ANK3: variants seen among roughly 807,000 people sequenced by gnomAD.
ANK3 encodes the protein ankyrin 3, also known as ankyrin-3.
ANK3 carries 57 observed loss-of-function variants against 370.9 expected under a neutral mutation model. That is an observed-to-expected ratio of 0.15 (90% CI 0.12 to 0.19). The LOEUF (loss-of-function observed/expected upper bound fraction) is 0.19, where lower values mean the gene tolerates loss of function less well. Ranked by LOEUF, ANK3 falls within the 10% of genes least tolerant of loss-of-function variation. ANK3 has a pLI of 1.00. For missense variants in ANK3, 4,439 were observed against 5,302.1 expected (o/e 0.84, Z 5.06); for synonymous variants, 1,929 against 1,946.3 (o/e 0.99, Z 0.23).
rs57607997 is a variant in ANK3, at chr10:60,518,547, C to CTA, written c.96+96637_96+96638dup. ...CAGAATCTCTAAGAGCCCTGAGAAT[C>CTA]TATACCCCAAATGAACCTTAGGATC... On this transcript the variant is annotated intron_variant, in intron 2 of 43. Coordinates refer to the ANK3 transcript ENST00000373827. 2.7e-3 allele frequency among the ~76,000 whole-genome samples: 408 copies of CTA among 152,198 alleles called. 4 individuals carry two copies. The highest frequency in any genetic ancestry group is 9.6e-3 in the African/African-American group (397 of 41,542).
chr10:60,599,777 G>C (rs1279010939), intron 2 of ANK3, among the ~76,000 whole-genome samples: 1 of 152,060 alleles, frequency 6.6e-6, no homozygotes, highest in Non-Finnish European at 1.5e-5. Flanking sequence ...CCTCTCCTCT[G>C]ATTAAAGCCA....
chr10:60,631,267 G>A lies in ANK3; in HGVS notation c.58-16043C>T, dbSNP rs554612399. Among the ~76,000 whole-genome samples, 6 of 152,110 alleles carry A rather than the reference G, an allele frequency of 3.9e-5. No homozygotes were observed. The South Asian group carries it at 6.2e-4, about 16-fold the overall frequency. ...ATACTGGCCGGGCATGGTGGCTCAC[G>A]CCTGTAATCCCAGCACTTTCGCAGG... On this transcript the variant is annotated intron_variant, in intron 1 of 43. Transcript: ENST00000373827.
At chr10:60,179,701 G>C (rs1591350830) in intron 18 of ANK3, among the ~76,000 whole-genome samples, 1 of 147,600 alleles carries the variant, frequency 6.8e-6, no homozygotes, top group Non-Finnish European at 1.5e-5. Flanking sequence ...AAAAAAAAAA[G>C]ACTACCAACT....
chr10:60,396,035 A>G (rs1247675840), intron 2 of ANK3, among the ~76,000 whole-genome samples: 2 of 152,202 alleles, frequency 1.3e-5, no homozygotes, highest in Non-Finnish European at 2.9e-5. Flanking sequence ...TGAACAGAGA[A>G]TACAAAACTC....
At chr10:60,076,807 T>C (rs1389924074) in intron 36 of ANK3, among the ~76,000 whole-genome samples, 1 of 152,192 alleles carries the variant, frequency 6.6e-6, no homozygotes, top group Non-Finnish European at 1.5e-5. Flanking sequence ...CTACTTCCTA[T>C]TGACTTTCTT....
chr10:60,703,247 T>C (rs2079568824), intron 1 of ANK3, among the ~76,000 whole-genome samples: 1 of 152,240 alleles, frequency 6.6e-6, no homozygotes, highest in East Asian at 1.9e-4. Flanking sequence ...ATTGAAAGTT[T>C]AGGTATGACT....
chr10:60,733,496 C>A, upstream of ANK3: 1 of 500,108 alleles, frequency 2.0e-6, no homozygotes, highest in Non-Finnish European at 3.1e-6. Context: ...GCTGTGTCCG[C>A]TGCGACCGCC....
intron 1 of ANK3, among the ~76,000 whole-genome samples, chr10:60,622,981 C>A (rs915775770): frequency 6.6e-6 from 1 of 152,196 alleles, no homozygotes; most frequent in African/African-American, 2.4e-5. Flanking sequence ...TTCCCCTAAC[C>A]ACCTCAGCCC....
intron 4 of ANK3, among the ~76,000 whole-genome samples, chr10:60,275,002 C>G (rs1484923581): frequency 6.6e-6 from 1 of 152,122 alleles, no homozygotes; most frequent in African/African-American, 2.4e-5. Flanking sequence ...ATTAGACAAC[C>G]TAGAGCCATA....
intron 1 of ANK3, among the ~76,000 whole-genome samples, chr10:60,699,509 T>C (rs908506514): frequency 2.0e-5 from 3 of 152,098 alleles, no homozygotes; most frequent in Non-Finnish European, 4.4e-5. Context: ...TTAATTGTAA[T>C]AGAAACTGAA....
At chr10:60,723,487 T>C (rs990333981) in intron 1 of ANK3, among the ~76,000 whole-genome samples, 1 of 152,230 alleles carries the variant, frequency 6.6e-6, no homozygotes, top group Admixed American at 6.5e-5. Context: ...AACTCTCACC[T>C]GTATGCCACT....
intron 23 of ANK3, among the ~76,000 whole-genome samples, chr10:60,162,873 T>A (rs2132284990): frequency 6.6e-6 from 1 of 152,256 alleles, no homozygotes; most frequent in East Asian, 1.9e-4. Flanking sequence ...TTATCTCCCA[T>A]CTATAGTTCT....
chr10:60,533,662 T>C (rs904830138), intron 2 of ANK3, among the ~76,000 whole-genome samples: 6 of 152,114 alleles, frequency 3.9e-5, no homozygotes, highest in African/African-American at 1.2e-4. Flanking sequence ...CATTTTGTCA[T>C]GAGCTGGGCC....
chr10:60,638,315 G>A (rs2078583077), intron 1 of ANK3, among the ~76,000 whole-genome samples: 1 of 152,122 alleles, frequency 6.6e-6, no homozygotes, highest in African/African-American at 2.4e-5. Context: ...TCATGCCTTA[G>A]TAGTAGGGCT....
chr10:60,519,176 T>C (rs1466360895), intron 2 of ANK3, among the ~76,000 whole-genome samples: 3 of 152,084 alleles, frequency 2.0e-5, no homozygotes, highest in African/African-American at 7.2e-5. Context: ...CTAGACCCAA[T>C]GCCCCGGGTG....
chr10:60,330,441 T>C (rs1255715942), intron 1 of ANK3, among the ~76,000 whole-genome samples: 1 of 149,880 alleles, frequency 6.7e-6, no homozygotes, highest in Non-Finnish European at 1.5e-5. Flanking sequence ...TACAAGAAAA[T>C]AAATCAAAAA....
intron 36 of ANK3, among the ~76,000 whole-genome samples, chr10:60,078,398 G>C (rs979667743): frequency 6.6e-6 from 1 of 152,072 alleles, no homozygotes; most frequent in Non-Finnish European, 1.5e-5. Context: ...GAAATGCCAC[G>C]CTGCAAATGG....
At chr10:60,103,043 C>G (rs542490681) in intron 28 of ANK3, among the ~76,000 whole-genome samples, 104 of 152,146 alleles carry the variant, frequency 6.8e-4, no homozygotes, top group African/African-American at 2.4e-3. Context: ...CTGCGCCTCC[C>G]GGGTTCAAGT....
intron 18 of ANK3, 80 bp downstream of exon 18, chr10:60,181,249 T>C: frequency 8.2e-7 from 1 of 1,213,142 alleles, no homozygotes. Context: ...TTTGTTCTCC[T>C]GATACAATTA....
Sources: gnomAD v4.1 joint callset for allele counts (sites outside exome capture counted in the v4.1 genomes callset) on GRCh38, gnomAD v4.1.1 for gene constraint, MANE v1.5 for transcripts, NCBI Gene and HGNC (gene_info 2026-07-23, HGNC 2026-07-21) for gene names.